RAD51C: variants seen among roughly 807,000 people sequenced by gnomAD.
RAD51C encodes RAD51 paralog C.
Under a neutral mutation model 45.0 loss-of-function variants are expected in RAD51C, and 42 were observed. That is an observed-to-expected ratio of 0.93 (90% CI 0.73 to 1.21). The LOEUF (loss-of-function observed/expected upper bound fraction) is 1.21, where lower values mean the gene tolerates loss of function less well. Among genes scored for constraint, RAD51C ranks in the 50% most tolerant of loss-of-function variants. The pLI, the probability that RAD51C is intolerant of heterozygous loss-of-function variation, is 0.00. For synonymous variants in RAD51C, 172 were observed against 159.8 expected, an observed-to-expected ratio of 1.08 and a Z score of -0.58; for missense variants, 474 against 452.2, an observed-to-expected ratio of 1.05 and a Z score of -0.44.
chr17:58,695,475 G>A, intron 2 of RAD51C: 1 of 733,272 alleles, frequency 1.4e-6, no homozygotes, highest in Admixed American at 4.4e-5. Context: ...GACTATATTT[G>A]AAAGTCAGAT....
At chr17:58,695,417 C>T (rs1783098308) in intron 2 of RAD51C, 1 of 1,204,830 alleles carries the variant, frequency 8.3e-7, no homozygotes, top group African/African-American at 1.5e-5. Context: ...GCAAATTGTA[C>T]TGCAGTCATA....
rs781371468 is a variant in RAD51C, at chr17:58,695,103, A to G, written c.318A>G (p.Ala106=). 3.1e-6 allele frequency: 5 copies of G among 1,614,022 alleles called. No individual in the cohort carries two copies. The South Asian group carries it at 5.5e-5, about 18-fold the overall frequency. ...TQGFIITFCS[A]LDDILGGGVP... Reference sequence around the variant, plus strand: ...GCTTCATAATCACCTTCTGTTCAGCACTAGATGATATTCTTGGGGGTGGAG... The same window carrying G: ...GCTTCATAATCACCTTCTGTTCAGCGCTAGATGATATTCTTGGGGGTGGAG... The change falls in exon 2 of 9, where the codon GCA becomes GCG. Residue 106 remains alanine (A), a synonymous_variant. Coordinates refer to ENST00000337432, the MANE Select transcript of RAD51C (RefSeq NM_058216.3).
In RAD51C at chr17:58,727,370, C is replaced by G. The variant is rs368411027; in HGVS notation, c.965+3270C>G. ...AACTCCTGATGTCAGGTGACCTGCC[C>G]ACCTCAGCCTCTCAAAGTGCTGGGA... On this transcript the variant is annotated intron_variant, in intron 7 of 8. Transcript: ENST00000337432. Among the ~76,000 whole-genome samples, 7 of 151,790 alleles carry G rather than the reference C, an allele frequency of 4.6e-5. No homozygotes were observed. The East Asian group carries it at 1.2e-3, about 25-fold the overall frequency.
At chr17:58,694,561 A>C (rs973397091) in intron 1 of RAD51C, 2 of 300,842 alleles carry the variant, frequency 6.6e-6, no homozygotes, top group Non-Finnish European at 1.3e-5. Context: ...GCTGGAGTGC[A>C]GTGGTGCAGG....
intron 7 of RAD51C, among the ~76,000 whole-genome samples, chr17:58,724,487 C>T (rs16943186): frequency 0.15 from 22,114 of 150,500 alleles, 2,485 homozygotes; most frequent in East Asian, 0.31. Flanking sequence ...TTGAGGTTAC[C>T]TTTAAAATTA....
At chr17:58,694,214 T>C (rs1025462458) in intron 1 of RAD51C, 4 of 147,322 alleles carry the variant, frequency 2.7e-5, no homozygotes, top group African/African-American at 5.3e-5. Context: ...TATGTGCTTC[T>C]TAAAGTTGTA....
intron 3 of RAD51C, among the ~76,000 whole-genome samples, chr17:58,702,382 G>A (rs1314995068): frequency 6.6e-6 from 1 of 152,000 alleles, no homozygotes. Context: ...AGGAAACAGT[G>A]GAAAAATGTG....
Position 58,709,911 on chromosome 17 carries a change from A to G in RAD51C, c.758A>G (p.Asp253Gly), listed in dbSNP as rs1060502592. The G allele has an allele frequency of 5.0e-6, 8 of 1,611,168 alleles. No homozygotes were observed. The highest frequency in any genetic ancestry group is 6.8e-6 in the Non-Finnish European group (8 of 1,177,534). Residue 253 changes from aspartate to glycine, a missense_variant, in exon 5 of 9, where the codon GAT (aspartate) becomes GGT (glycine). Asp to Gly is a moderately conservative substitution (Grantham distance 94). Coordinates refer to ENST00000337432, the MANE Select transcript of RAD51C (RefSeq NM_058216.3). The stretch of plus-strand genomic sequence containing the variant: ...GCTTTTCCATTTCGTCATGACCTAG[A>G]TGACCTGTCTCTTCGTACTCGGTTA... ...GIAFPFRHDL[D>G]DLSLRTRLLN... is the part of the protein sequence containing the mutation.
intron 7 of RAD51C, among the ~76,000 whole-genome samples, chr17:58,731,066 A>AAG (rs1177706848): frequency 6.6e-6 from 1 of 152,166 alleles, no homozygotes; most frequent in Non-Finnish European, 1.5e-5. Flanking sequence ...TATTTCACTT[A>AAG]GTATAATGTC....
intron 6 of RAD51C, among the ~76,000 whole-genome samples, chr17:58,722,071 A>G (rs191102024): frequency 3.9e-5 from 6 of 152,050 alleles, no homozygotes; most frequent in Admixed American, 1.3e-4. Context: ...TCAGCACACT[A>G]TGATAAATCA....
intron 5 of RAD51C, among the ~76,000 whole-genome samples, chr17:58,712,479 G>A (rs1036675896): frequency 2.6e-5 from 4 of 152,190 alleles, no homozygotes; most frequent in South Asian, 2.1e-4. Context: ...GTTGTCTGGT[G>A]TAAATATTTT....
rs764177838 is a variant in RAD51C, at chr17:58,696,728, G to A, written c.440G>A (p.Cys147Tyr). ...QLAVDVQIPE[C>Y]FGGVAGEAVF... ...GCAGTAGATGTGCAGATACCAGAAT[G>A]TTTTGGAGGAGTGGCAGGTGAAGCA... Residue 147 changes from cysteine to tyrosine, a missense_variant, in exon 3 of 9, where the codon TGT becomes TAT. Coordinates refer to ENST00000337432, the MANE Select transcript of RAD51C (RefSeq NM_058216.3). 1.9e-6 allele frequency: 3 copies of A among 1,614,210 alleles called. No individual in the cohort carries two copies. Among genetic ancestry groups the A allele is most frequent in the Admixed American group, 3.3e-5 (2 of 60,020 alleles).
At chr17:58,720,835 A>G (rs1282584506) in intron 6 of RAD51C, 23 bp downstream of exon 6, 5 of 1,573,268 alleles carry the variant, frequency 3.2e-6, no homozygotes, top group East Asian at 4.5e-5. Flanking sequence ...TCAGATAAAC[A>G]TTTTAGTTTA....
At chr17:58,693,528 C>T (rs1323738275) in intron 1 of RAD51C, 1 of 152,226 alleles carries the variant, frequency 6.6e-6, no homozygotes. Context: ...TTCAATTCGC[C>T]TCTAAAGAAT....
chr17:58,719,895 A>AT (rs1157368587), intron 5 of RAD51C, among the ~76,000 whole-genome samples: 2 of 150,566 alleles, frequency 1.3e-5, no homozygotes, highest in Admixed American at 6.6e-5. Flanking sequence ...CGCCCAGCTG[A>AT]TTTTTTATAT....
Position 58,703,311 on chromosome 17 carries a change from CCTTT to C in RAD51C, c.689_692del (p.Leu230GlnfsTer8). The C allele has an allele frequency of 6.2e-7, 1 of 1,612,070 alleles. No individual in the cohort carries two copies. The highest frequency in any genetic ancestry group is 8.5e-7 in the Non-Finnish European group (1 of 1,178,466). On this transcript the variant is annotated frameshift_variant, in exon 4 of 9. Transcript: ENST00000337432. LOFTEE classifies it high-confidence loss of function. ...CACAAGTTTATCTTCTTCCAGATTT[CCTTT>C]CAGAACACTCAAAGGTATGAGTCAG...
intron 1 of RAD51C, 111 bp downstream of exon 1, chr17:58,692,899 C>G: frequency 6.7e-7 from 1 of 1,502,430 alleles, no homozygotes; most frequent in Non-Finnish European, 9.2e-7. Flanking sequence ...TCTGCTTCCT[C>G]CCACGTCCAT....
intron 7 of RAD51C, among the ~76,000 whole-genome samples, chr17:58,730,634 G>A (rs530009990): frequency 6.6e-6 from 1 of 152,208 alleles, no homozygotes; most frequent in East Asian, 1.9e-4. Context: ...AATTAAGAGA[G>A]TAACAGATCA....
At chr17:58,732,675 G>A in intron 8 of RAD51C, 131 bp downstream of exon 8, 2 of 837,432 alleles carry the variant, frequency 2.4e-6, no homozygotes, top group African/African-American at 1.7e-5. Context: ...TTGATGCTTA[G>A]AACATTGTCC....
Sources: allele counts gnomAD v4.1 joint callset (sites outside exome capture counted in the v4.1 genomes callset), GRCh38; gene constraint gnomAD v4.1.1; transcripts MANE v1.5; gene names NCBI Gene and HGNC (gene_info 2026-07-23, HGNC 2026-07-21).